Variants in CARMIL2 observed in about 807,000 individuals in gnomAD.
CARMIL2 encodes the protein capping protein regulator and myosin 1 linker 2.
In CARMIL2, 96 loss-of-function variants were observed where a neutral mutation model predicts 173.3. The ratio of observed to expected loss-of-function variants is 0.55; its 90% CI spans 0.47 to 0.66. The LOEUF is 0.66. Among genes scored for constraint, CARMIL2 ranks in the 30% least tolerant of loss-of-function variants. CARMIL2 has a pLI of 0.00. For missense variants in CARMIL2, 1,771 were observed against 1,906.7 expected (o/e 0.93, Z 1.33); for synonymous variants, 830 against 817.1 (o/e 1.02, Z -0.27).
Position 67,646,385 on chromosome 16 carries a change from G to A in CARMIL2, c.375-41G>A. On this transcript the variant is annotated intron_variant, in intron 5 of 37. Transcript: ENST00000334583. This position sits in a 1 kb window ranked among gnomAD's most constrained non-coding sequence, Gnocchi z 4.6. ...AGAAGGGCTGCTTCCCATCCCAGAGGCTGGAAGTCCTTTGCCCCCTTCTCC... is the reference window on the plus strand; with the variant it reads ...AGAAGGGCTGCTTCCCATCCCAGAGACTGGAAGTCCTTTGCCCCCTTCTCC... 6.2e-7 allele frequency: 1 copy of A among 1,607,832 alleles called. No individual in the cohort carries two copies. The highest frequency in any genetic ancestry group is 8.5e-7 in the Non-Finnish European group (1 of 1,175,908).
rs2052879353 is a variant in CARMIL2, at chr16:67,657,164, G to A, written c.4118-75G>A. On this transcript the variant is annotated intron_variant, in intron 36 of 37. Transcript: ENST00000334583. The surrounding 1 kb of genome is among the most constrained non-coding windows in gnomAD (Gnocchi z 4.5). ...TGAGTGCATGCTTATGTGCACTGGAGGTGGAAGAGAGGGGCAGGGGATGGA... is the reference window on the plus strand; with the variant it reads ...TGAGTGCATGCTTATGTGCACTGGAAGTGGAAGAGAGGGGCAGGGGATGGA... 7 of 1,320,924 alleles carry A rather than the reference G, an allele frequency of 5.3e-6. No homozygotes were observed. The highest frequency in any genetic ancestry group is 4.3e-5 in the African/African-American group (3 of 69,020). 81.8% of individuals were successfully genotyped at this position (1,320,924 alleles called of 1,614,324 possible).
intron 29 of CARMIL2, 51 bp from the exon 30 acceptor site, chr16:67,654,098 G>GTGA: frequency 1.2e-6 from 1 of 805,976 alleles, no homozygotes; most frequent in Non-Finnish European, 1.9e-6. Context: ...GGGGGGGGTA[G>GTGA]AAGCCAGAGT....
Position 67,652,995 on chromosome 16 carries a change from G to A in CARMIL2, c.2885-24G>A, listed in dbSNP as rs1248863731. On this transcript the variant is annotated intron_variant, in intron 28 of 37. Transcript: ENST00000334583. The surrounding 1 kb of genome is among the most constrained non-coding windows in gnomAD (Gnocchi z 4.7). ...CACCTCCCCGGGCTCGGCGCTCGGT[G>A]CTCTTCTGGTGCTGTCCCCTCAGGT... The A allele has an allele frequency of 1.4e-5, 17 of 1,223,358 alleles. No individual in the cohort carries two copies. The East Asian group carries it at 5.3e-4, about 38-fold the overall frequency. The allele number at this position is 1,223,358 out of a possible 1,614,324, so 75.8% of individuals were successfully genotyped here. A position where few individuals can be genotyped will look rare whatever the true frequency, so the allele number is the denominator to read the frequency against.
Position 67,645,523 on chromosome 16 carries a change from AG to A in CARMIL2, c.41-15del, listed in dbSNP as rs1332307789. The A allele has an allele frequency of 6.3e-7, 1 of 1,579,346 alleles. No individual in the cohort carries two copies. The highest frequency in any genetic ancestry group is 1.3e-5 in the African/African-American group (1 of 74,090). On this transcript the variant is annotated splice_polypyrimidine_tract_variant and intron_variant, in intron 1 of 37. Coordinates refer to ENST00000334583, the MANE Select transcript of CARMIL2 (RefSeq NM_001013838.3). ...TGTGCAAGGACTGAAGTCACCCAGC[AG>A]GCTGCCCTTCCACAGGCGAGATCAC...
intron 34 of CARMIL2, 61 bp from the exon 35 acceptor site, chr16:67,656,363 T>G (rs2052855853): frequency 9.3e-6 from 15 of 1,608,474 alleles, no homozygotes; most frequent in Non-Finnish European, 1.2e-5. Context: ...TGGGTCAGAC[T>G]GTTGTTCAGA....
rs2052650894 is a variant in CARMIL2, at chr16:67,648,705, C to A, written c.1460C>A (p.Ala487Glu). Residue 487 changes from alanine (A) to glutamate (E), a missense_variant, in exon 16 of 38, where the codon GCG becomes GAG. By Grantham distance (107) the Ala-to-Glu change is moderately radical (BLOSUM62 -1). Transcript: ENST00000334583. This position sits in a 1 kb window ranked among gnomAD's most constrained non-coding sequence, Gnocchi z 6.1. Reference sequence around the variant, plus strand: ...CCCAGAGCCCTTTTGGATGGCCTCGCGCTCAACACGCACCTCCGCGACCTG... The same window carrying A: ...CCCAGAGCCCTTTTGGATGGCCTCGAGCTCAACACGCACCTCCGCGACCTG... ...DALRALLDGL[A>E]LNTHLRDLHL... is the part of the protein sequence containing the mutation. 4 of 1,606,942 alleles carry A rather than the reference C, an allele frequency of 2.5e-6. No homozygotes were observed. Among genetic ancestry groups the A allele is most frequent in the Non-Finnish European group, 3.4e-6 (4 of 1,177,076 alleles).
Position 67,647,701 on chromosome 16 carries a change from A to T in CARMIL2, c.893A>T (p.His298Leu), listed in dbSNP as rs760061911. 2 of 1,587,922 alleles carry T rather than the reference A, an allele frequency of 1.3e-6. No individual in the cohort carries two copies. The highest frequency in any genetic ancestry group is 1.4e-5 in the African/African-American group (1 of 73,282). Residue 298 changes from histidine to leucine, a missense_variant, in exon 12 of 38, where the codon CAC becomes CTC. Physicochemically the swap from His to Leu is moderately conservative, Grantham distance 99 (BLOSUM62 -3). This residue lies in a region of CARMIL2 where 944 missense variants were observed against 975.6 expected (regional missense o/e 0.97). Coordinates refer to ENST00000334583, the MANE Select transcript of CARMIL2 (RefSeq NM_001013838.3). ...CAAGGCATGACTGCACTCAGCAGAC[A>T]CCTCGAGCGTTGTCCAGGAGCCCTG... ...DDRGMTALSR[H>L]LERCPGALRR...
intron 8 of CARMIL2, 46 bp downstream of exon 8, chr16:67,647,019 ATATCCC>A: frequency 6.2e-7 from 1 of 1,607,644 alleles, no homozygotes; most frequent in Non-Finnish European, 8.5e-7. Flanking sequence ...CCCGGGGCCC[ATATCCC>A]TGGGCCTCAG....
intron 1 of CARMIL2, 68 bp from the exon 2 acceptor site, chr16:67,645,472 C>A: frequency 6.9e-7 from 1 of 1,448,942 alleles, no homozygotes; most frequent in Non-Finnish European, 9.5e-7. Context: ...CCCAGCCTGG[C>A]ACAGACTGTG....
Position 67,656,895 on chromosome 16 carries a change from C to A in CARMIL2, c.4117+14C>A. ...AGGCCCCTGCTGGTGAGGGGAGACA[C>A]CTCCACGTGTGCTTGAATGCAGGAG... On this transcript the variant is annotated intron_variant, in intron 36 of 37. Transcript: ENST00000334583. The A allele has an allele frequency of 6.5e-7, 1 of 1,529,082 alleles. No homozygotes were observed. The highest frequency in any genetic ancestry group is 8.8e-7 in the Non-Finnish European group (1 of 1,131,768). The allele number at this position is 1,529,082 out of a possible 1,614,324, so 94.7% of individuals were successfully genotyped here.
chr16:67,653,139 G>C lies in CARMIL2; in HGVS notation c.3005G>C (p.Gly1002Ala). 1 of 1,113,342 alleles carries C rather than the reference G, an allele frequency of 9.0e-7. No individual in the cohort carries two copies. Among genetic ancestry groups the C allele is most frequent in the Non-Finnish European group, 1.1e-6 (1 of 912,586 alleles). 69.0% of individuals were successfully genotyped at this position (1,113,342 alleles called of 1,614,324 possible). Reference protein sequence around the residue: ...PSPAAPGPPAGPLPRMDLPLA... With the variant: ...PSPAAPGPPAAPLPRMDLPLA... ...CCTGCCGCCCCTGGGCCCCCGGCCGGCCCGCTGCCCCGCATGGACCTGCCA... is the reference window on the plus strand; with the variant it reads ...CCTGCCGCCCCTGGGCCCCCGGCCGCCCCGCTGCCCCGCATGGACCTGCCA... The change falls in exon 29 of 38, where the codon GGC (glycine) becomes GCC (alanine). Residue 1002 changes from glycine to alanine, a missense_variant. By Grantham distance (60) the Gly-to-Ala change is moderately conservative. This residue lies in a region of CARMIL2 where 817 missense variants were observed against 903.5 expected (regional missense o/e 0.90). Coordinates refer to ENST00000334583, the MANE Select transcript of CARMIL2 (RefSeq NM_001013838.3). This position sits in a 1 kb window ranked among gnomAD's most constrained non-coding sequence, Gnocchi z 7.4.
rs576724511 is a variant in CARMIL2, at chr16:67,645,734, G to A, written c.143G>A (p.Arg48Gln). 24 of 1,613,276 alleles carry A rather than the reference G, an allele frequency of 1.5e-5. No individual in the cohort carries two copies. In the East Asian group the frequency reaches 3.6e-4, roughly 24 times the overall value. ...ACTGTCTTTCCCCAGGCACTGCTACGATGGAGAGCCTACCTGCTGCACACC... is the reference window on the plus strand; with the variant it reads ...ACTGTCTTTCCCCAGGCACTGCTACAATGGAGAGCCTACCTGCTGCACACC... ...AVQNHVLALL[R>Q]WRAYLLHTTC... Residue 48 changes from arginine (R) to glutamine (Q), a missense_variant, in exon 3 of 38, where the codon CGA (arginine) becomes CAA (glutamine). By Grantham distance (43) the Arg-to-Gln change is conservative (BLOSUM62 1). Transcript: ENST00000334583.
Position 67,652,942 on chromosome 16 carries a change from TC to T in CARMIL2, c.2885-72del. 1.6e-6 allele frequency: 1 copy of T among 633,670 alleles called. No homozygotes were observed. The highest frequency in any genetic ancestry group is 2.1e-6 in the Non-Finnish European group (1 of 465,752). 39.3% of individuals were successfully genotyped at this position (633,670 alleles called of 1,614,324 possible). On this transcript the variant is annotated intron_variant, in intron 28 of 37. Coordinates refer to ENST00000334583, the MANE Select transcript of CARMIL2 (RefSeq NM_001013838.3). This position sits in a 1 kb window ranked among gnomAD's most constrained non-coding sequence, Gnocchi z 4.7. ...GGCCCCTCCCCGCGCCCTGGGCGGGTCCCCCGCCGCCCTAGCGCCTCCGCCG... is the reference window on the plus strand; with the variant it reads ...GGCCCCTCCCCGCGCCCTGGGCGGGTCCCCGCCGCCCTAGCGCCTCCGCCG...
Position 67,652,894 on chromosome 16 carries a change from C to T in CARMIL2, c.2885-125C>T. ...GGGGAGGGGCGGAGGGGCAGAGGGG[C>T]GGGGGGACGGGCGGCGTAGCCGGGC... On this transcript the variant is annotated intron_variant, in intron 28 of 37. Transcript: ENST00000334583. This position sits in a 1 kb window ranked among gnomAD's most constrained non-coding sequence, Gnocchi z 4.7. 1 of 233,792 alleles carries T rather than the reference C, an allele frequency of 4.3e-6. No homozygotes were observed. The highest frequency in any genetic ancestry group is 7.6e-6 in the Non-Finnish European group (1 of 130,722). The allele number at this position is 233,792 out of a possible 1,614,324, so 14.5% of individuals were successfully genotyped here.
rs1249363102 is a variant in CARMIL2 at position 67,653,954 on chromosome 16, A to G, written c.3121-195A>G. Among the ~76,000 whole-genome samples, 1 of 152,042 alleles carries G rather than the reference A, an allele frequency of 6.6e-6. No individual in the cohort carries two copies. The highest frequency in any genetic ancestry group is 1.5e-5 in the Non-Finnish European group (1 of 67,974). ...GTGGACTGGGTGTGCGGGAGCCAGC[A>G]GCGAGTGAGGAGTGCGTGAAATCTG... is the stretch of plus-strand genomic sequence containing the variant. On this transcript the variant is annotated intron_variant, in intron 29 of 37. Coordinates refer to ENST00000334583, the MANE Select transcript of CARMIL2 (RefSeq NM_001013838.3). This position sits in a 1 kb window ranked among gnomAD's most constrained non-coding sequence, Gnocchi z 7.4.
chr16:67,650,174 G>C (rs1010508391), intron 22 of CARMIL2, 24 bp downstream of exon 22: 2 of 1,577,298 alleles, frequency 1.3e-6, no homozygotes, highest in Non-Finnish European at 1.7e-6. Flanking sequence ...CCCCAACCAC[G>C]AGAGGTAGGG....
chr16:67,651,600 C>T lies in CARMIL2; in HGVS notation c.2428-85C>T, dbSNP rs2142934063. ...GTTTTAACTGTGATATCCCCTGACTCAATATTCTGTTGGAGTTGGAGCCTC... is the reference window on the plus strand; with the variant it reads ...GTTTTAACTGTGATATCCCCTGACTTAATATTCTGTTGGAGTTGGAGCCTC... On this transcript the variant is annotated intron_variant, in intron 24 of 37. Transcript: ENST00000334583. This position sits in a 1 kb window ranked among gnomAD's most constrained non-coding sequence, Gnocchi z 4.2. 7 of 1,568,534 alleles carry T rather than the reference C, an allele frequency of 4.5e-6. No homozygotes were observed. The Admixed American group carries it at 5.7e-5, about 13-fold the overall frequency.
rs774008729 is a variant in CARMIL2, at chr16:67,649,776, C to T, written c.1920-30C>T. ...GGTTGGGTGGGGCGTTGGGAAGCTCCGTCCCCGACTGAAGCCAGGCCCGGC... is the reference window on the plus strand; with the variant it reads ...GGTTGGGTGGGGCGTTGGGAAGCTCTGTCCCCGACTGAAGCCAGGCCCGGC... On this transcript the variant is annotated intron_variant, in intron 20 of 37. Coordinates refer to ENST00000334583, the MANE Select transcript of CARMIL2 (RefSeq NM_001013838.3). This position sits in a 1 kb window ranked among gnomAD's most constrained non-coding sequence, Gnocchi z 6.7. 8 of 1,598,130 alleles carry T rather than the reference C, an allele frequency of 5.0e-6. No individual in the cohort carries two copies. Among genetic ancestry groups the T allele is most frequent in the Admixed American group, 1.7e-5 (1 of 59,364 alleles).
At chr16:67,654,713 G>C (rs766309274) in intron 31 of CARMIL2, 21 bp downstream of exon 31, 2 of 1,602,340 alleles carry the variant, frequency 1.2e-6, no homozygotes, top group Non-Finnish European at 8.5e-7. Flanking sequence ...CTGATGGGGG[G>C]TGGTGAAGGC....
Sources: gnomAD v4.1 joint callset for allele counts (sites outside exome capture counted in the v4.1 genomes callset) on GRCh38, gnomAD v4.1.1 for gene constraint, gnomAD v4.1.1 regional missense constraint, Gnocchi (gnomAD v3.1) non-coding constraint, MANE v1.5 for transcripts, NCBI Gene and HGNC (gene_info 2026-07-23, HGNC 2026-07-21) for gene names.